GRIA1: variants seen among roughly 807,000 people sequenced by gnomAD.
GRIA1 encodes glutamate ionotropic receptor AMPA type subunit 1, also known as glutamate receptor 1.
In GRIA1, 31 loss-of-function variants were observed where a neutral mutation model predicts 99.2. The observed-to-expected ratio is 0.31, with a 90% CI of 0.23 to 0.42. The LOEUF (loss-of-function observed/expected upper bound fraction) is 0.42, where lower values mean the gene tolerates loss of function less well. Ranked by LOEUF, GRIA1 falls within the 10% of genes least tolerant of loss-of-function variation. GRIA1 has a pLI of 1.00. For synonymous variants in GRIA1, 438 were observed against 432.4 expected, an observed-to-expected ratio of 1.01 and a Z score of -0.16; for missense variants, 782 against 1,157.5, an observed-to-expected ratio of 0.68 and a Z score of 4.71.
intron 2 of GRIA1, among the ~76,000 whole-genome samples, chr5:153,602,784 T>G (rs1255323525): frequency 1.4e-5 from 2 of 145,458 alleles, no homozygotes; most frequent in East Asian, 6.4e-4. Context: ...AGCAGTCTTT[T>G]CCAAGGCCAA....
At chr5:153,595,043 C>G (rs1415174837) in intron 2 of GRIA1, among the ~76,000 whole-genome samples, 1 of 152,034 alleles carries the variant, frequency 6.6e-6, no homozygotes, top group Non-Finnish European at 1.5e-5. Flanking sequence ...AGTCAGTTAC[C>G]TTCATCCACT....
chr5:153,686,592 AG>A (rs1757356239), intron 8 of GRIA1, among the ~76,000 whole-genome samples: 1 of 152,232 alleles, frequency 6.6e-6, no homozygotes, highest in Non-Finnish European at 1.5e-5. Flanking sequence ...TGAAAATCCA[AG>A]GTAGAGGAAA....
In GRIA1 at chr5:153,613,164, C is replaced by CTTTCCTAATGTAATTCTGTTTGA. The variant is rs547442100; in HGVS notation, c.221-33758_221-33736dup. Among the ~76,000 whole-genome samples, 1,390 of 152,172 alleles carry CTTTCCTAATGTAATTCTGTTTGA rather than the reference C, an allele frequency of 9.1e-3. 15 individuals are homozygous for CTTTCCTAATGTAATTCTGTTTGA. The highest frequency in any genetic ancestry group is 0.025 in the South Asian group (122 of 4,812). On this transcript the variant is annotated intron_variant, in intron 2 of 15. Transcript: ENST00000285900. ...CCAGGGAGTACTTTCTCAGTCACTC[C>CTTTCCTAATGTAATTCTGTTTGA]TTTCCTAATGTAATTCTGTTTGATT...
At chr5:153,623,673 A>G (rs1767288103) in intron 2 of GRIA1, among the ~76,000 whole-genome samples, 1 of 152,246 alleles carries the variant, frequency 6.6e-6, no homozygotes, top group African/African-American at 2.4e-5. Context: ...TTGTTTGGAA[A>G]TAATGGGATC....
chr5:153,737,177 A>G (rs935519626), intron 11 of GRIA1, among the ~76,000 whole-genome samples: 6 of 151,780 alleles, frequency 4.0e-5, no homozygotes, highest in Admixed American at 2.6e-4. Flanking sequence ...AATAATCACT[A>G]CCTTGTTTAT....
chr5:153,773,426 T>G (rs1764013758), intron 13 of GRIA1, among the ~76,000 whole-genome samples: 1 of 152,176 alleles, frequency 6.6e-6, no homozygotes, highest in Non-Finnish European at 1.5e-5. Flanking sequence ...AACCACCAAC[T>G]TGGGAATTAA....
intron 2 of GRIA1, among the ~76,000 whole-genome samples, chr5:153,509,354 C>A (rs1755836818): frequency 6.6e-6 from 1 of 152,152 alleles, no homozygotes; most frequent in Non-Finnish European, 1.5e-5. Context: ...AGACCATTTT[C>A]CAAAGTGCTT....
intron 2 of GRIA1, among the ~76,000 whole-genome samples, chr5:153,632,852 T>C (rs1178107488): frequency 1.3e-5 from 2 of 152,206 alleles, no homozygotes; most frequent in Non-Finnish European, 2.9e-5. Context: ...AGATACATGC[T>C]AAGACAGAAA....
rs1766791034 is a variant in GRIA1 at position 153,811,142 on chromosome 5, A to G, written c.2638A>G (p.Ser880Gly). Residue 880 changes from serine (S) to glycine (G), a missense_variant, in exon 16 of 16, where the codon AGC becomes GGC. Physicochemically the swap from Ser to Gly is moderately conservative, Grantham distance 56. Transcript: ENST00000285900. ...GGSGENGRVV[S>G]HDFPKSMQSI... ...CAGTGGAGAGAATGGTCGGGTGGTC[A>G]GCCATGACTTCCCCAAGTCCATGCA... 6.2e-7 allele frequency: 1 copy of G among 1,614,186 alleles called. No homozygotes were observed. Among genetic ancestry groups the G allele is most frequent in the Middle Eastern group, 1.6e-4 (1 of 6,062 alleles).
intron 2 of GRIA1, among the ~76,000 whole-genome samples, chr5:153,501,551 A>G (rs944782765): frequency 6.6e-6 from 1 of 152,146 alleles, no homozygotes; most frequent in Non-Finnish European, 1.5e-5. Flanking sequence ...GAACCCATGG[A>G]AGGGTTTTAA....
intron 2 of GRIA1, among the ~76,000 whole-genome samples, chr5:153,576,103 C>T (rs12515520): frequency 0.14 from 21,553 of 152,196 alleles, 1,740 homozygotes; most frequent in South Asian, 0.3. Context: ...GATCCACCAT[C>T]TAACTTCTGT....
chr5:153,511,334 G>A (rs868005523), intron 2 of GRIA1, among the ~76,000 whole-genome samples: 5 of 152,188 alleles, frequency 3.3e-5, no homozygotes, highest in Middle Eastern at 3.2e-3. Context: ...AGGTGCAGGT[G>A]CAGTCACAGA....
At chr5:153,717,972 G>GAA (rs143598167) in intron 11 of GRIA1, among the ~76,000 whole-genome samples, 1 of 151,870 alleles carries the variant, frequency 6.6e-6, no homozygotes, top group African/African-American at 2.4e-5. Flanking sequence ...TTTGGGAATG[G>GAA]AAAAAAAATC....
intron 2 of GRIA1, among the ~76,000 whole-genome samples, chr5:153,614,021 TC>T (rs1766242451): frequency 2.0e-5 from 3 of 152,190 alleles, no homozygotes; most frequent in Non-Finnish European, 4.4e-5. Flanking sequence ...CTTGGGGCCT[TC>T]ACACCTGCTT....
chr5:153,675,549 A>C (rs145994013), intron 6 of GRIA1, among the ~76,000 whole-genome samples: 1 of 152,360 alleles, frequency 6.6e-6, no homozygotes, highest in African/African-American at 2.4e-5. Context: ...TGTGTTGAGA[A>C]GGATACTAAG....
chr5:153,794,880 G>A (rs1019079675), intron 14 of GRIA1, 145 bp downstream of exon 14: 5 of 620,524 alleles, frequency 8.1e-6, no homozygotes, highest in Non-Finnish European at 1.4e-5. Flanking sequence ...CTTTGGTTGA[G>A]TAGAAGTAGC....
intron 11 of GRIA1, among the ~76,000 whole-genome samples, chr5:153,713,548 G>C (rs1426707505): frequency 6.6e-6 from 1 of 152,208 alleles, no homozygotes; most frequent in Non-Finnish European, 1.5e-5. Context: ...TTGAGAAGAA[G>C]AGTAGAAGTT....
At chr5:153,727,639 G>A (rs868848334) in intron 11 of GRIA1, among the ~76,000 whole-genome samples, 15 of 152,268 alleles carry the variant, frequency 9.9e-5, no homozygotes, top group Middle Eastern at 6.8e-3. Context: ...ATTCACAATT[G>A]CTTCAAAGAG....
chr5:153,516,933 T>C (rs976504150), intron 2 of GRIA1, among the ~76,000 whole-genome samples: 1 of 152,180 alleles, frequency 6.6e-6, no homozygotes, highest in Admixed American at 6.5e-5. Flanking sequence ...GGCCGTATTA[T>C]GAAGAAAAAC....
Sources: allele counts gnomAD v4.1 joint callset (sites outside exome capture counted in the v4.1 genomes callset), GRCh38; gene constraint gnomAD v4.1.1; transcripts MANE v1.5; gene names NCBI Gene and HGNC (gene_info 2026-07-23, HGNC 2026-07-21).